The following TNFSF4 variants were observed in gnomAD, a reference collection of about 807,000 sequenced individuals.
TNFSF4 encodes TNF superfamily member 4.
Under a neutral mutation model 7.3 loss-of-function variants are expected in TNFSF4, and 4 were observed. The ratio of observed to expected loss-of-function variants is 0.55; its 90% CI spans 0.27 to 1.25. TNFSF4 has a LOEUF of 1.25. Ranked by LOEUF, TNFSF4 falls within the 50% of genes most tolerant of loss-of-function variation. The pLI is 0.12. For missense variants in TNFSF4, 181 were observed against 208.8 expected (o/e 0.87, Z 0.82); for synonymous variants, 76 against 83.7 (o/e 0.91, Z 0.50).
the TNFSF4 span, among the ~76,000 whole-genome samples, chr1:173,446,124 T>C: frequency 5.3e-5 from 8 of 152,044 alleles, no homozygotes; most frequent in Admixed American, 5.2e-4. Flanking sequence ...CAATAAATGC[T>C]ACCACTGAGA....
chr1:173,336,562 G>C, the TNFSF4 span, among the ~76,000 whole-genome samples: 1 of 152,114 alleles, frequency 6.6e-6, no homozygotes, highest in Non-Finnish European at 1.5e-5. Context: ...CACCTTCACT[G>C]TCTACCTCAG....
intron 1 of TNFSF4, among the ~76,000 whole-genome samples, chr1:173,200,388 T>G (rs115645413): frequency 3.3e-5 from 5 of 152,352 alleles, no homozygotes; most frequent in Non-Finnish European, 5.9e-5. Flanking sequence ...GAGAGACTGT[T>G]ACTGCAAGTA....
At chr1:173,334,733 G>A in the TNFSF4 span, among the ~76,000 whole-genome samples, 5 of 152,228 alleles carry the variant, frequency 3.3e-5, no homozygotes, top group Non-Finnish European at 5.9e-5. Context: ...TATGTCCACC[G>A]CAGTATGAGA....
chr1:173,291,619 C>A, the TNFSF4 span, among the ~76,000 whole-genome samples: 1 of 152,032 alleles, frequency 6.6e-6, no homozygotes, highest in African/African-American at 2.4e-5. Flanking sequence ...CAACCACAAA[C>A]ATAGCTTAAG....
the TNFSF4 span, among the ~76,000 whole-genome samples, chr1:173,306,295 C>A: frequency 2.0e-5 from 3 of 151,898 alleles, no homozygotes; most frequent in South Asian, 2.1e-4. Flanking sequence ...AAACTTCTCT[C>A]TTCTCTGAGC....
At chr1:173,422,352 G>A in the TNFSF4 span, among the ~76,000 whole-genome samples, 1 of 146,278 alleles carries the variant, frequency 6.8e-6, no homozygotes, top group East Asian at 2.0e-4. Context: ...AAAAGGACTG[G>A]GAGAGAATGG....
the TNFSF4 span, among the ~76,000 whole-genome samples, chr1:173,411,063 C>A: frequency 6.6e-6 from 1 of 152,230 alleles, no homozygotes; most frequent in Non-Finnish European, 1.5e-5. Flanking sequence ...TGACACTGGT[C>A]CGCTTTGGCC....
the TNFSF4 span, among the ~76,000 whole-genome samples, chr1:173,269,965 A>G: frequency 6.6e-6 from 1 of 152,152 alleles, no homozygotes; most frequent in Non-Finnish European, 1.5e-5. Context: ...AAGGATAATG[A>G]TGCCTCCAGC....
chr1:173,193,844 G>A (rs1649587942), intron 1 of TNFSF4, among the ~76,000 whole-genome samples: 1 of 150,858 alleles, frequency 6.6e-6, no homozygotes, highest in African/African-American at 2.4e-5. Flanking sequence ...ACTGAATAAT[G>A]TAATGTACAA....
chr1:173,365,676 T>C, the TNFSF4 span, among the ~76,000 whole-genome samples: 5 of 152,380 alleles, frequency 3.3e-5, no homozygotes, highest in African/African-American at 1.2e-4. Flanking sequence ...TTTCCAGTTA[T>C]GTTTGAATAA....
intron 1 of TNFSF4, among the ~76,000 whole-genome samples, chr1:173,203,019 C>T (rs4916314): frequency 2.0e-5 from 3 of 152,050 alleles, no homozygotes; most frequent in Admixed American, 2.0e-4. Context: ...TTTGTCCCCA[C>T]CCTGCATCTT....
the TNFSF4 span, among the ~76,000 whole-genome samples, chr1:173,313,216 A>G: frequency 6.6e-6 from 1 of 152,034 alleles, no homozygotes. Flanking sequence ...CCCATTATAC[A>G]GTTTATTTTT....
the TNFSF4 span, among the ~76,000 whole-genome samples, chr1:173,357,585 G>T: frequency 6.6e-6 from 1 of 151,970 alleles, no homozygotes; most frequent in East Asian, 1.9e-4. Context: ...AGGCTGGAGC[G>T]CAATGGTGCA....
the TNFSF4 span, among the ~76,000 whole-genome samples, chr1:173,239,591 G>A: frequency 6.6e-6 from 1 of 152,208 alleles, no homozygotes; most frequent in African/African-American, 2.4e-5. Context: ...TAACAGAAGA[G>A]ATGTCTGTGA....
chr1:173,433,572 T>C, the TNFSF4 span, among the ~76,000 whole-genome samples: 2 of 151,332 alleles, frequency 1.3e-5, no homozygotes, highest in Admixed American at 6.6e-5. Flanking sequence ...TATGGTGGCA[T>C]GCACCTGTAG....
the TNFSF4 span, among the ~76,000 whole-genome samples, chr1:173,355,603 T>C: frequency 1.3e-5 from 2 of 152,220 alleles, no homozygotes; most frequent in Non-Finnish European, 2.9e-5. Flanking sequence ...CAGCTCCATG[T>C]ACATTGTACC....
At chr1:173,279,417 G>C in the TNFSF4 span, among the ~76,000 whole-genome samples, 2 of 151,796 alleles carry the variant, frequency 1.3e-5, no homozygotes, top group African/African-American at 4.8e-5. Context: ...CTTATCCATG[G>C]CTTCAATTCT....
the TNFSF4 span, among the ~76,000 whole-genome samples, chr1:173,332,279 T>C: frequency 6.6e-6 from 1 of 151,828 alleles, no homozygotes; most frequent in Non-Finnish European, 1.5e-5. Context: ...GCCCGAGGAG[T>C]GAGTTGCTGC....
At chr1:173,223,979 C>T in the TNFSF4 span, among the ~76,000 whole-genome samples, 23 of 152,300 alleles carry the variant, frequency 1.5e-4, no homozygotes, top group Non-Finnish European at 2.9e-4. Context: ...TCAGCAGTAA[C>T]GCTGCAAGGA....
Sources: allele counts gnomAD v4.1 joint callset (sites outside exome capture counted in the v4.1 genomes callset), GRCh38; gene constraint gnomAD v4.1.1; transcripts MANE v1.5; gene names NCBI Gene and HGNC (gene_info 2026-07-23, HGNC 2026-07-21).